EPN1: variants seen among roughly 807,000 people sequenced by gnomAD.
EPN1 encodes the protein epsin 1.
A neutral mutation model predicts 56.9 loss-of-function variants in EPN1; 25 were observed. The observed-to-expected ratio is 0.44, with a 90% CI of 0.32 to 0.61. The LOEUF is 0.61. Among genes scored for constraint, EPN1 ranks in the 20% least tolerant of loss-of-function variants. EPN1 has a pLI of 0.05. For synonymous variants in EPN1, 411 were observed against 361.8 expected (o/e 1.14, Z -1.54); for missense variants, 785 against 823.7 (o/e 0.95, Z 0.58).
intron 2 of EPN1, among the ~76,000 whole-genome samples, chr19:55,682,561 C>T (rs74977208): frequency 2.3e-3 from 342 of 151,556 alleles, no homozygotes; most frequent in African/African-American, 8.0e-3. Context: ...AGGGATGACA[C>T]GCATGTGCCA....
chr19:55,692,390 C>G (rs915217209), intron 7 of EPN1, among the ~76,000 whole-genome samples: 2 of 150,510 alleles, frequency 1.3e-5, no homozygotes, highest in African/African-American at 2.5e-5. Flanking sequence ...GAGAAGGGGC[C>G]TGACACCCAG....
intron 2 of EPN1, among the ~76,000 whole-genome samples, chr19:55,684,367 C>T (rs2122181369): frequency 6.6e-6 from 1 of 152,148 alleles, no homozygotes; most frequent in East Asian, 1.9e-4. Flanking sequence ...GGTCAGTGAC[C>T]AAGACACCCC....
rs1413976496 is a variant in EPN1 at position 55,704,083 on chromosome 19, A to C, written c.*8727A>C. ...CACGGAGACAGTCGCTCTCACACGT[A>C]CCTCTCGCGGGCTCTTACTCGTGGT... On this transcript the variant is annotated 3_prime_UTR_variant, in exon 11 of 11. Coordinates refer to ENST00000270460, the MANE Select transcript of EPN1 (RefSeq NM_001130072.2). The C allele has an allele frequency of 6.6e-6, 1 of 151,998 alleles. No homozygotes were observed. Among genetic ancestry groups the C allele is most frequent in the African/African-American group, 2.4e-5 (1 of 41,312 alleles). 9.4% of individuals were successfully genotyped at this position (151,998 alleles called of 1,614,324 possible).
At position 55,695,845 on chromosome 19, in the gene EPN1, CT is replaced by C. The variant is rs1463240770; in HGVS notation, c.*492del. ...GGGACCCAGGGCTCAGGTCACATCT[CT>C]TTCTCGGGGGTGGCTGGCAACCAGC... On this transcript the variant is annotated 3_prime_UTR_variant, in exon 11 of 11. Transcript: ENST00000270460. This position sits in a 1 kb window ranked among gnomAD's most constrained non-coding sequence, Gnocchi z 4.4. 1.3e-5 allele frequency: 2 copies of C among 154,290 alleles called. No homozygotes were observed. Among genetic ancestry groups the C allele is most frequent in the African/African-American group, 4.8e-5 (2 of 41,440 alleles). 9.6% of individuals were successfully genotyped at this position (154,290 alleles called of 1,614,324 possible).
At position 55,709,122 on chromosome 19, in the gene EPN1, CCT is replaced by C. The variant is rs1987590429; in HGVS notation, c.*13770_*13771del. ...TTGCCTCTCTACATTCTGATGTCTA[CCT>C]CTCCTCTCCTCTTTATTCTTTCCTA... On this transcript the variant is annotated 3_prime_UTR_variant, in exon 11 of 11. Transcript: ENST00000270460. 2 of 911,522 alleles carry C rather than the reference CCT, an allele frequency of 2.2e-6. No individual in the cohort carries two copies. Among genetic ancestry groups the C allele is most frequent in the Admixed American group, 6.9e-5 (2 of 29,054 alleles). 56.5% of individuals were successfully genotyped at this position (911,522 alleles called of 1,614,324 possible).
chr19:55,706,162 C>CTA lies in EPN1; in HGVS notation c.*10807_*10808insAT. The CTA allele has an allele frequency of 5.9e-6, 1 of 168,248 alleles. No homozygotes were observed. Among genetic ancestry groups the CTA allele is most frequent in the South Asian group, 1.2e-4 (1 of 8,054 alleles). The allele number at this position is 168,248 out of a possible 1,614,324, so 10.4% of individuals were successfully genotyped here. A position where few individuals can be genotyped will look rare whatever the true frequency, so the allele number is the denominator to read the frequency against. On this transcript the variant is annotated 3_prime_UTR_variant, in exon 11 of 11. Transcript: ENST00000270460. ...GATTTCTTCTTCCTCCTCCTCCTCTCTTTTCTTCTTCCTCTTCCTCCTTTT... is the reference window on the plus strand; with the variant it reads ...GATTTCTTCTTCCTCCTCCTCCTCTCTATTTTCTTCTTCCTCTTCCTCCTTTT...
rs1208984551 is a variant in EPN1, at chr19:55,706,453, A to C, written c.*11097A>C. 1.3e-5 allele frequency: 2 copies of C among 151,754 alleles called. No homozygotes were observed. Among genetic ancestry groups the C allele is most frequent in the Non-Finnish European group, 2.9e-5 (2 of 68,096 alleles). 9.4% of individuals were successfully genotyped at this position (151,754 alleles called of 1,614,324 possible). A position where few individuals can be genotyped will look rare whatever the true frequency, so the allele number is the denominator to read the frequency against. ...GATCACCTGAGGTTGGGAGTTCGAG[A>C]CCAGCCTGGCCGACATGGCAAAACC... On this transcript the variant is annotated 3_prime_UTR_variant, in exon 11 of 11. Coordinates refer to ENST00000270460, the MANE Select transcript of EPN1 (RefSeq NM_001130072.2).
chr19:55,677,251 G>T, intron 1 of EPN1: 2 of 1,241,644 alleles, frequency 1.6e-6, no homozygotes, highest in South Asian at 2.6e-5. Flanking sequence ...CTGAACCTCT[G>T]TGTCTCAGTT....
chr19:55,677,275 G>A, intron 1 of EPN1: 1 of 1,004,068 alleles, frequency 1.0e-6, no homozygotes. Context: ...ACCCTGTGAG[G>A]TGGCTATGAA....
Position 55,695,074 on chromosome 19 carries a change from T to C in EPN1, c.1523-74T>C. On this transcript the variant is annotated intron_variant, in intron 10 of 10. Transcript: ENST00000270460. The surrounding 1 kb of genome is among the most constrained non-coding windows in gnomAD (Gnocchi z 4.4). ...GGGCAGGGACACTTCGCCCTTTGCC[T>C]GCACATGCTGGATGGACACAGGTGG... is the stretch of plus-strand genomic sequence containing the variant. 1 of 1,606,142 alleles carries C rather than the reference T, an allele frequency of 6.2e-7. No homozygotes were observed.
intron 2 of EPN1, among the ~76,000 whole-genome samples, chr19:55,679,625 A>C (rs1985676961): frequency 6.6e-6 from 1 of 152,154 alleles, no homozygotes; most frequent in African/African-American, 2.4e-5. Flanking sequence ...GCTCTGGCGG[A>C]GGTCCCTGTC....
In EPN1 at chr19:55,689,221, C is replaced by G; in HGVS notation, c.604-76C>G. The G allele has an allele frequency of 8.1e-7, 1 of 1,238,770 alleles. No individual in the cohort carries two copies. Among genetic ancestry groups the G allele is most frequent in the Non-Finnish European group, 1.2e-6 (1 of 867,170 alleles). The allele number at this position is 1,238,770 out of a possible 1,614,324, so 76.7% of individuals were successfully genotyped here. A position where few individuals can be genotyped will look rare whatever the true frequency, so the allele number is the denominator to read the frequency against. Reference sequence around the variant, plus strand: ...CCCCCAGCCCTCTCTTTCTTCGGCTCTATCTGACCCTGGCTCTGCCTCTGA... The same window carrying G: ...CCCCCAGCCCTCTCTTTCTTCGGCTGTATCTGACCCTGGCTCTGCCTCTGA... On this transcript the variant is annotated intron_variant, in intron 4 of 10. Transcript: ENST00000270460. The surrounding 1 kb of genome is among the most constrained non-coding windows in gnomAD (Gnocchi z 5.7).
Position 55,679,598 on chromosome 19 carries a change from C to T in EPN1, c.228+743C>T, listed in dbSNP as rs950761435. ...AGACCAACAAGGCCCCACCCTCATG[C>T]GCTTAGACCTGGGCCTGCTCTGGCG... On this transcript the variant is annotated intron_variant, in intron 2 of 10. Coordinates refer to ENST00000270460, the MANE Select transcript of EPN1 (RefSeq NM_001130072.2). Among the ~76,000 whole-genome samples the T allele has an allele frequency of 2.6e-5, 4 of 152,350 alleles. 1 individual carries two copies. The South Asian group carries it at 8.3e-4, about 32-fold the overall frequency.
In EPN1 at chr19:55,705,902, T is replaced by G. The variant is rs1280863735; in HGVS notation, c.*10546T>G. 1 of 152,250 alleles carries G rather than the reference T, an allele frequency of 6.6e-6. No individual in the cohort carries two copies. The highest frequency in any genetic ancestry group is 2.4e-5 in the African/African-American group (1 of 41,168). 9.4% of individuals were successfully genotyped at this position (152,250 alleles called of 1,614,324 possible). ...CTATCACTAAAGCTGCATTGCAGTGTGTGATCATAGCTCACCATGGGATTC... is the reference window on the plus strand; with the variant it reads ...CTATCACTAAAGCTGCATTGCAGTGGGTGATCATAGCTCACCATGGGATTC... On this transcript the variant is annotated 3_prime_UTR_variant, in exon 11 of 11. Transcript: ENST00000270460.
rs1260379295 is a variant in EPN1 at position 55,694,693 on chromosome 19, C to T, written c.1265-33C>T. 1 of 1,529,150 alleles carries T rather than the reference C, an allele frequency of 6.5e-7. No homozygotes were observed. The highest frequency in any genetic ancestry group is 1.3e-5 in the South Asian group (1 of 77,116). The allele number at this position is 1,529,150 out of a possible 1,614,324, so 94.7% of individuals were successfully genotyped here. A position where few individuals can be genotyped will look rare whatever the true frequency, so the allele number is the denominator to read the frequency against. The stretch of plus-strand genomic sequence containing the variant: ...CGGGTTGGAGCCTCACTGCTGTCTG[C>T]CCTGTCTGAGCCCCTCTCCCGGATC... On this transcript the variant is annotated intron_variant, in intron 9 of 10. Coordinates refer to ENST00000270460, the MANE Select transcript of EPN1 (RefSeq NM_001130072.2). This position sits in a 1 kb window ranked among gnomAD's most constrained non-coding sequence, Gnocchi z 4.2.
At position 55,695,113 on chromosome 19, in the gene EPN1, C is replaced by T; in HGVS notation, c.1523-35C>T. On this transcript the variant is annotated intron_variant, in intron 10 of 10. Coordinates refer to ENST00000270460, the MANE Select transcript of EPN1 (RefSeq NM_001130072.2). This position sits in a 1 kb window ranked among gnomAD's most constrained non-coding sequence, Gnocchi z 4.4. Reference sequence around the variant, plus strand: ...GGACACAGGTGGGCTGCGCCACTGACTCCACTCCGTGTCTCTGGTTTACTC... The same window carrying T: ...GGACACAGGTGGGCTGCGCCACTGATTCCACTCCGTGTCTCTGGTTTACTC... 1 of 1,612,726 alleles carries T rather than the reference C, an allele frequency of 6.2e-7. No homozygotes were observed. The highest frequency in any genetic ancestry group is 8.5e-7 in the Non-Finnish European group (1 of 1,179,090).
intron 1 of EPN1, chr19:55,677,746 G>C (rs1015567996): frequency 2.0e-6 from 3 of 1,527,904 alleles, no homozygotes; most frequent in African/African-American, 1.4e-5. Context: ...TTGGTTCCCT[G>C]CTCCTGCCTC....
intron 2 of EPN1, 44 bp downstream of exon 2, chr19:55,678,899 G>A (rs1437908820): frequency 6.9e-7 from 1 of 1,442,186 alleles, no homozygotes; most frequent in Non-Finnish European, 9.6e-7. Context: ...AGGGGCTCAG[G>A]TGGGAGGACA....
At chr19:55,687,612 G>A (rs1986253322) in intron 3 of EPN1, among the ~76,000 whole-genome samples, 1 of 152,084 alleles carries the variant, frequency 6.6e-6, no homozygotes, top group African/African-American at 2.4e-5. Flanking sequence ...AAGAGCAGGA[G>A]GGGCCACAGG....
Sources: allele counts gnomAD v4.1 joint callset (sites outside exome capture counted in the v4.1 genomes callset), GRCh38; gene constraint gnomAD v4.1.1; non-coding constraint Gnocchi (gnomAD v3.1); transcripts MANE v1.5; gene names NCBI Gene and HGNC (gene_info 2026-07-23, HGNC 2026-07-21).